The following PCBP3 variants were observed in gnomAD, a reference collection of about 807,000 sequenced individuals.
PCBP3 encodes poly(rC)-binding protein 3.
In PCBP3, 25 loss-of-function variants were observed where a neutral mutation model predicts 52.7. That is an observed-to-expected ratio of 0.47 (90% CI 0.35 to 0.66). The LOEUF (loss-of-function observed/expected upper bound fraction) is 0.66, where lower values mean the gene tolerates loss of function less well. PCBP3 is among the 30% of genes least tolerant of loss of function. The probability of loss-of-function intolerance (pLI) is 0.01; values close to 1 mark genes in which losing one functional copy is unlikely to be tolerated. For synonymous variants in PCBP3, 162 were observed against 183.0 expected, an observed-to-expected ratio of 0.89 and a Z score of 0.93; for missense variants, 391 against 490.3, an observed-to-expected ratio of 0.80 and a Z score of 1.91.
At chr21:45,912,225 G>C (rs1394709656) in intron 11 of PCBP3, among the ~76,000 whole-genome samples, 1 of 152,232 alleles carries the variant, frequency 6.6e-6, no homozygotes, top group Admixed American at 6.5e-5. Flanking sequence ...TTCCTGGGCA[G>C]GGAGGTTTGA....
intron 2 of PCBP3, among the ~76,000 whole-genome samples, chr21:45,713,144 T>A (rs542837818): frequency 6.6e-6 from 1 of 152,210 alleles, no homozygotes; most frequent in Non-Finnish European, 1.5e-5. Context: ...ATCTAGACTT[T>A]AGGAAATTAC....
chr21:45,677,654 A>G (rs1039039578), intron 2 of PCBP3, among the ~76,000 whole-genome samples: 10 of 152,238 alleles, frequency 6.6e-5, no homozygotes, highest in African/African-American at 2.4e-4. Context: ...TCAAAGCTTT[A>G]AAGGACAGGC....
rs1010748324 is a variant in PCBP3, at chr21:45,821,856, C to T, written c.-125-28105C>T. On this transcript the variant is annotated intron_variant, in intron 4 of 17. Transcript: ENST00000681687. The surrounding 1 kb of genome is among the most constrained non-coding windows in gnomAD (Gnocchi z 4.4). ...CGAGCTTCCGTCCTGCAAGCACCGGCAGTGTCAGGGAGGCACCGCCCAGGG... is the reference window on the plus strand; with the variant it reads ...CGAGCTTCCGTCCTGCAAGCACCGGTAGTGTCAGGGAGGCACCGCCCAGGG... 6.6e-6 allele frequency among the ~76,000 whole-genome samples: 1 copy of T among 152,222 alleles called. No individual in the cohort carries two copies. Among genetic ancestry groups the T allele is most frequent in the Non-Finnish European group, 1.5e-5 (1 of 68,052 alleles).
intron 5 of PCBP3, among the ~76,000 whole-genome samples, chr21:45,881,182 G>A (rs1047294484): frequency 1.3e-5 from 2 of 152,172 alleles, no homozygotes. Context: ...ATATGATTGT[G>A]TGCTTTCTTT....
Position 45,845,239 on chromosome 21 carries a change from T to C in PCBP3, c.-125-4722T>C, listed in dbSNP as rs145650122. ...TTCCTGTCTGAAGCGGTTTCCCTGA[T>C]GCTGAGAGGCATGAGGAGAATGTTA... is the stretch of plus-strand genomic sequence containing the variant. On this transcript the variant is annotated intron_variant, in intron 4 of 17. Transcript: ENST00000681687. 5.3e-3 allele frequency among the ~76,000 whole-genome samples: 809 copies of C among 152,368 alleles called. 4 individuals carry two copies. The highest frequency in any genetic ancestry group is 0.018 in the African/African-American group (757 of 41,596).
At chr21:45,939,913 T>G (rs1024917644) in intron 16 of PCBP3, 117 bp from the exon 17 acceptor site, 154 of 899,930 alleles carry the variant, frequency 1.7e-4, no homozygotes, top group Non-Finnish European at 2.5e-4. Flanking sequence ...GCTCAGGTCT[T>G]GGGGCAGAGT....
Position 45,899,602 on chromosome 21 carries a change from G to T in PCBP3, c.169G>T (p.Val57Phe). The T allele has an allele frequency of 6.2e-7, 1 of 1,610,344 alleles. No homozygotes were observed. The highest frequency in any genetic ancestry group is 8.5e-7 in the Non-Finnish European group (1 of 1,176,700). ...TIRLLMHGKE[V>F]GSIIGKKGET... ...TGTGATTTTTTTTTTCTTGCAGGAA[G>T]TTGGAAGCATCATCGGGAAGGTAAT... The change falls in exon 7 of 18, where the codon GTT becomes TTT. Residue 57 changes from valine to phenylalanine, a missense_variant. Physicochemically the swap from Val to Phe is conservative, Grantham distance 50. Transcript: ENST00000681687.
At chr21:45,668,328 G>C (rs1011475837) in intron 1 of PCBP3, among the ~76,000 whole-genome samples, 1 of 152,122 alleles carries the variant, frequency 6.6e-6, no homozygotes, top group Admixed American at 6.6e-5. Flanking sequence ...GTCTCAGGTA[G>C]TCACAAAATT....
intron 2 of PCBP3, among the ~76,000 whole-genome samples, chr21:45,686,339 C>T (rs1171393051): frequency 6.6e-6 from 1 of 152,152 alleles, no homozygotes; most frequent in African/African-American, 2.4e-5. Flanking sequence ...GAAAGGTATA[C>T]CTCAAGAGTA....
intron 4 of PCBP3, among the ~76,000 whole-genome samples, chr21:45,832,266 G>A (rs1014438216): frequency 4.6e-5 from 7 of 152,160 alleles, no homozygotes; most frequent in African/African-American, 1.7e-4. Flanking sequence ...CAGTGAGGAC[G>A]ACCAGAGGTC....
At chr21:45,697,337 T>C (rs1397361665) in intron 2 of PCBP3, among the ~76,000 whole-genome samples, 1 of 152,214 alleles carries the variant, frequency 6.6e-6, no homozygotes, top group Non-Finnish European at 1.5e-5. Context: ...TTACTCTAAA[T>C]ACTCTAAATA....
chr21:45,855,876 C>T (rs1489055812), intron 5 of PCBP3, among the ~76,000 whole-genome samples: 1 of 152,238 alleles, frequency 6.6e-6, no homozygotes, highest in East Asian at 1.9e-4. Context: ...TTTTTCCTCT[C>T]TTGCCCAAAT....
chr21:45,757,956 G>A (rs1444225660), intron 4 of PCBP3, among the ~76,000 whole-genome samples: 2 of 151,374 alleles, frequency 1.3e-5, no homozygotes, highest in African/African-American at 2.4e-5. Context: ...GTGCGATCTC[G>A]GCTCACTGCA....
intron 7 of PCBP3, among the ~76,000 whole-genome samples, chr21:45,900,030 G>A (rs574917396): frequency 2.0e-4 from 30 of 152,290 alleles, no homozygotes; most frequent in Admixed American, 1.8e-3. Flanking sequence ...GGGCTGGCCC[G>A]GGGGAAGTAA....
At chr21:45,778,789 AC>A in intron 4 of PCBP3, among the ~76,000 whole-genome samples, 1 of 151,714 alleles carries the variant, frequency 6.6e-6, no homozygotes. Context: ...TTCAAGCAAG[AC>A]CCCCCAGTAG....
At chr21:45,782,577 T>C (rs1242798254) in intron 4 of PCBP3, among the ~76,000 whole-genome samples, 1 of 152,184 alleles carries the variant, frequency 6.6e-6, no homozygotes, top group Non-Finnish European at 1.5e-5. Context: ...TCAAATGTCA[T>C]GTAATGAGCA....
intron 2 of PCBP3, among the ~76,000 whole-genome samples, chr21:45,699,694 A>G (rs997118508): frequency 6.6e-6 from 1 of 152,244 alleles, no homozygotes; most frequent in African/African-American, 2.4e-5. Flanking sequence ...CATGTCTCAC[A>G]TGGCAACAGA....
At chr21:45,812,991 G>A (rs8127953) in intron 4 of PCBP3, among the ~76,000 whole-genome samples, 5,170 of 152,204 alleles carry the variant, frequency 0.034, 309 homozygotes, top group African/African-American at 0.12. Flanking sequence ...TAGAATGTGT[G>A]TGTATATGGT....
In PCBP3 at chr21:45,712,435, A is replaced by C. The variant is rs191469381; in HGVS notation, c.-199-22957A>C. Reference sequence around the variant, plus strand: ...TAGTATTTTCAGATTTTTTGATATTAATAATTCTAACAGGTGTGAGGTAGT... The same window carrying C: ...TAGTATTTTCAGATTTTTTGATATTCATAATTCTAACAGGTGTGAGGTAGT... On this transcript the variant is annotated intron_variant, in intron 2 of 17. Coordinates refer to ENST00000681687, the MANE Select transcript of PCBP3 (RefSeq NM_001384156.1). 1.1e-4 allele frequency among the ~76,000 whole-genome samples: 16 copies of C among 152,340 alleles called. No individual in the cohort carries two copies. The East Asian group carries it at 3.1e-3, about 29-fold the overall frequency.
Sources: allele counts gnomAD v4.1 joint callset (sites outside exome capture counted in the v4.1 genomes callset), GRCh38; gene constraint gnomAD v4.1.1; non-coding constraint Gnocchi (gnomAD v3.1); transcripts MANE v1.5; gene names NCBI Gene and HGNC (gene_info 2026-07-23, HGNC 2026-07-21).